Variants in HTR2A observed in about 807,000 individuals in gnomAD.
HTR2A encodes 5-hydroxytryptamine receptor 2A, also known as 5-HT2 receptor.
In HTR2A, 14 loss-of-function variants were observed where a neutral mutation model predicts 31.0. The ratio of observed to expected loss-of-function variants is 0.45; its 90% CI spans 0.30 to 0.71. The LOEUF is 0.71. Ranked by LOEUF, HTR2A falls within the 30% of genes least tolerant of loss-of-function variation. The probability of loss-of-function intolerance (pLI) is 0.09; values close to 1 mark genes in which losing one functional copy is unlikely to be tolerated. For missense variants in HTR2A, 442 were observed against 573.3 expected, an observed-to-expected ratio of 0.77 and a Z score of 2.34; for synonymous variants, 209 against 225.2, an observed-to-expected ratio of 0.93 and a Z score of 0.64.
At chr13:46,844,514 G>A (rs1403296136) in intron 3 of HTR2A, among the ~76,000 whole-genome samples, 1 of 152,166 alleles carries the variant, frequency 6.6e-6, no homozygotes, top group Non-Finnish European at 1.5e-5. Flanking sequence ...CAGCACATGA[G>A]CTGACCACCT....
At chr13:46,835,871 T>C (rs986004658) in intron 3 of HTR2A, among the ~76,000 whole-genome samples, 7 of 152,156 alleles carry the variant, frequency 4.6e-5, no homozygotes, top group Non-Finnish European at 1.0e-4. Flanking sequence ...TAAAGAAGTA[T>C]AATAAATCTA....
At chr13:46,858,248 C>G (rs1950754463) in intron 3 of HTR2A, among the ~76,000 whole-genome samples, 1 of 152,072 alleles carries the variant, frequency 6.6e-6, no homozygotes, top group South Asian at 2.1e-4. Flanking sequence ...TATAGCCAAG[C>G]AGAGCTGCTT....
At chr13:46,841,531 G>A (rs1950597210) in intron 3 of HTR2A, among the ~76,000 whole-genome samples, 1 of 151,948 alleles carries the variant, frequency 6.6e-6, no homozygotes, top group South Asian at 2.1e-4. Flanking sequence ...ATTCTCGGGG[G>A]TTCTGATGTT....
At chr13:46,872,355 T>C (rs1283742805) in intron 3 of HTR2A, among the ~76,000 whole-genome samples, 3 of 152,224 alleles carry the variant, frequency 2.0e-5, no homozygotes, top group African/African-American at 7.2e-5. Flanking sequence ...ATATTACAAA[T>C]GGAAGTGCTA....
At chr13:46,851,146 C>A (rs1950681691) in intron 3 of HTR2A, among the ~76,000 whole-genome samples, 1 of 152,180 alleles carries the variant, frequency 6.6e-6, no homozygotes, top group South Asian at 2.1e-4. Context: ...TGTACAAACA[C>A]TATGTCTTGT....
Position 46,895,421 on chromosome 13 carries a change from A to C in HTR2A, c.412+74T>G. 1 of 1,394,488 alleles carries C rather than the reference A, an allele frequency of 7.2e-7. No homozygotes were observed. Among genetic ancestry groups the C allele is most frequent in the South Asian group, 1.4e-5 (1 of 73,038 alleles). 86.4% of individuals were successfully genotyped at this position (1,394,488 alleles called of 1,614,324 possible). A position where few individuals can be genotyped will look rare whatever the true frequency, so the allele number is the denominator to read the frequency against. On this transcript the variant is annotated intron_variant, in intron 2 of 3. Coordinates refer to ENST00000542664, the MANE Select transcript of HTR2A (RefSeq NM_000621.5). This position sits in a 1 kb window ranked among gnomAD's most constrained non-coding sequence, Gnocchi z 4.4. ...ATAGTTTGTTTGCCCCCTGAGCCCC[A>C]TCTCATCTGCTGGTGGCATGCACAT...
chr13:46,871,910 G>A (rs1950865628), intron 3 of HTR2A, among the ~76,000 whole-genome samples: 1 of 152,206 alleles, frequency 6.6e-6, no homozygotes. Context: ...TTTAATTCTA[G>A]ACATATCCTG....
intron 3 of HTR2A, among the ~76,000 whole-genome samples, chr13:46,890,326 A>G (rs1387739528): frequency 2.0e-5 from 3 of 152,228 alleles, no homozygotes; most frequent in Non-Finnish European, 4.4e-5. Flanking sequence ...CTGGGCAACA[A>G]GAGCGAAACT....
Position 46,833,473 on chromosome 13 carries a change from G to A in HTR2A, c.*1364C>T, listed in dbSNP as rs371900593. The A allele has an allele frequency of 9.2e-5, 14 of 151,892 alleles. No homozygotes were observed. In the East Asian group the frequency reaches 1.9e-3, roughly 21 times the overall value. 9.4% of individuals were successfully genotyped at this position (151,892 alleles called of 1,614,324 possible). On this transcript the variant is annotated 3_prime_UTR_variant, in exon 4 of 4. Transcript: ENST00000542664. ...GCTTCTGGGCTCAAGTGATCCTTGC[G>A]TCTCAGCCTCCCCTGTAGCTGGGAC...
At chr13:46,877,818 G>A (rs150215698) in intron 3 of HTR2A, among the ~76,000 whole-genome samples, 3 of 152,192 alleles carry the variant, frequency 2.0e-5, no homozygotes, top group South Asian at 2.1e-4. Flanking sequence ...CCTGGAAGAG[G>A]TGATGCCAAA....
chr13:46,838,303 A>T (rs1488391178), intron 3 of HTR2A, among the ~76,000 whole-genome samples: 2 of 152,086 alleles, frequency 1.3e-5, no homozygotes, highest in African/African-American at 4.8e-5. Flanking sequence ...TGAATTGGTT[A>T]CTTCATTCCT....
intron 3 of HTR2A, among the ~76,000 whole-genome samples, chr13:46,845,269 T>C (rs1277208378): frequency 6.6e-6 from 1 of 152,066 alleles, no homozygotes; most frequent in Non-Finnish European, 1.5e-5. Flanking sequence ...TTGGCATCCC[T>C]GGGAAAGGCA....
chr13:46,843,401 G>A (rs1950615113), intron 3 of HTR2A, among the ~76,000 whole-genome samples: 1 of 152,140 alleles, frequency 6.6e-6, no homozygotes, highest in Non-Finnish European at 1.5e-5. Context: ...GGAAACTATT[G>A]TACTGCAGTG....
intron 3 of HTR2A, among the ~76,000 whole-genome samples, chr13:46,864,153 A>C (rs1207147306): frequency 6.6e-6 from 1 of 152,110 alleles, no homozygotes; most frequent in Non-Finnish European, 1.5e-5. Context: ...CCTTAGCAAA[A>C]CTAAACTATA....
At chr13:46,880,631 G>A (rs1465225845) in intron 3 of HTR2A, among the ~76,000 whole-genome samples, 2 of 152,026 alleles carry the variant, frequency 1.3e-5, no homozygotes, top group Non-Finnish European at 2.9e-5. Context: ...CTGAGGTCAG[G>A]AGATCGAGAC....
intron 3 of HTR2A, among the ~76,000 whole-genome samples, chr13:46,846,360 G>T (rs1950642911): frequency 6.6e-6 from 1 of 152,136 alleles, no homozygotes; most frequent in Non-Finnish European, 1.5e-5. Flanking sequence ...CATCCTTAAT[G>T]CCCAGAGTTC....
At chr13:46,854,465 A>G (rs1028188810) in intron 3 of HTR2A, among the ~76,000 whole-genome samples, 1 of 152,226 alleles carries the variant, frequency 6.6e-6, no homozygotes, top group Non-Finnish European at 1.5e-5. Context: ...TTATATTACA[A>G]GAGGGGCACA....
intron 3 of HTR2A, among the ~76,000 whole-genome samples, chr13:46,883,682 C>T (rs904354804): frequency 6.6e-6 from 1 of 152,084 alleles, no homozygotes; most frequent in Non-Finnish European, 1.5e-5. Flanking sequence ...AAAGGGTTTG[C>T]TCATTTTATA....
chr13:46,880,427 T>C (rs1481847915), intron 3 of HTR2A, among the ~76,000 whole-genome samples: 1 of 152,186 alleles, frequency 6.6e-6, no homozygotes, highest in African/African-American at 2.4e-5. Flanking sequence ...CTGCTTTAAA[T>C]AGCCAGAAGC....
Sources: allele counts gnomAD v4.1 joint callset (sites outside exome capture counted in the v4.1 genomes callset), GRCh38; gene constraint gnomAD v4.1.1; non-coding constraint Gnocchi (gnomAD v3.1); transcripts MANE v1.5; gene names NCBI Gene and HGNC (gene_info 2026-07-23, HGNC 2026-07-21).